The following PRLR variants were observed in gnomAD, a reference collection of about 807,000 sequenced individuals.
PRLR encodes hPRL receptor.
In PRLR, 13 loss-of-function variants were observed where a neutral mutation model predicts 40.2. The observed-to-expected ratio is 0.32, with a 90% CI of 0.21 to 0.51. PRLR has a LOEUF of 0.51. Among genes scored for constraint, PRLR ranks in the 20% least tolerant of loss-of-function variants. The probability of loss-of-function intolerance (pLI) is 0.97; values close to 1 mark genes in which losing one functional copy is unlikely to be tolerated. For synonymous variants in PRLR, 269 were observed against 278.7 expected, an observed-to-expected ratio of 0.97 and a Z score of 0.35; for missense variants, 656 against 747.3, an observed-to-expected ratio of 0.88 and a Z score of 1.42.
At chr5:35,088,507 T>C (rs967954103) in intron 3 of PRLR, among the ~76,000 whole-genome samples, 2 of 152,224 alleles carry the variant, frequency 1.3e-5, no homozygotes, top group African/African-American at 4.8e-5. Flanking sequence ...CATTCTGACC[T>C]CTGCTTTCCC....
intron 5 of PRLR, among the ~76,000 whole-genome samples, chr5:35,083,613 G>T (rs967005106): frequency 2.0e-5 from 3 of 151,052 alleles, no homozygotes; most frequent in Non-Finnish European, 1.5e-5. Context: ...TCCACCTCCT[G>T]GGTTCAAGCA....
At chr5:35,142,335 A>T (rs1015904355) in intron 1 of PRLR, among the ~76,000 whole-genome samples, 9 of 152,180 alleles carry the variant, frequency 5.9e-5, no homozygotes, top group Non-Finnish European at 1.0e-4. Context: ...TTTTTGTGGA[A>T]TCACCTGGCG....
chr5:35,077,399 CA>C (rs1167203086), intron 5 of PRLR, among the ~76,000 whole-genome samples: 2 of 152,106 alleles, frequency 1.3e-5, no homozygotes, highest in African/African-American at 4.8e-5. Context: ...GCAGGGGTTG[CA>C]ATCCTACTCT....
intron 1 of PRLR, among the ~76,000 whole-genome samples, chr5:35,203,847 T>TAAGGG (rs147466996): frequency 1.5e-5 from 1 of 65,586 alleles, no homozygotes; most frequent in South Asian, 6.7e-4. Context: ...TACTAAATAT[T>TAAGGG]TAGGTAGTTG....
intron 1 of PRLR, among the ~76,000 whole-genome samples, chr5:35,152,518 C>T (rs531073992): frequency 2.0e-5 from 3 of 152,212 alleles, no homozygotes; most frequent in Non-Finnish European, 4.4e-5. Flanking sequence ...ATACTGTACA[C>T]AACAGTAATA....
intron 2 of PRLR, among the ~76,000 whole-genome samples, chr5:35,096,179 G>A (rs1051281770): frequency 2.6e-5 from 4 of 152,202 alleles, no homozygotes; most frequent in Non-Finnish European, 4.4e-5. Flanking sequence ...ACTCCAATAC[G>A]ATATATGTGC....
chr5:35,184,801 A>G (rs987389866), intron 1 of PRLR, among the ~76,000 whole-genome samples: 1 of 152,234 alleles, frequency 6.6e-6, no homozygotes, highest in African/African-American at 2.4e-5. Context: ...CAATCTTTCA[A>G]ATAACACAAG....
At chr5:35,067,281 A>C (rs191896147) in intron 9 of PRLR, among the ~76,000 whole-genome samples, 1 of 152,226 alleles carries the variant, frequency 6.6e-6, no homozygotes, top group South Asian at 2.1e-4. Flanking sequence ...TTGAGACAAA[A>C]GTAGCTATTT....
At chr5:35,162,231 A>G (rs1042781072) in intron 1 of PRLR, among the ~76,000 whole-genome samples, 5 of 152,196 alleles carry the variant, frequency 3.3e-5, no homozygotes, top group African/African-American at 1.2e-4. Flanking sequence ...ACACAAGAAA[A>G]TCTATCTATC....
At chr5:35,073,419 A>G (rs1220563036) in intron 5 of PRLR, among the ~76,000 whole-genome samples, 2 of 152,212 alleles carry the variant, frequency 1.3e-5, no homozygotes, top group Non-Finnish European at 2.9e-5. Context: ...TAGCAAAATG[A>G]CAGCTAATGT....
chr5:35,129,412 G>C (rs932400536), intron 1 of PRLR, among the ~76,000 whole-genome samples: 2 of 152,114 alleles, frequency 1.3e-5, no homozygotes, highest in Admixed American at 6.5e-5. Context: ...CATCCTTAAG[G>C]TATTGGCCAG....
intron 5 of PRLR, among the ~76,000 whole-genome samples, chr5:35,083,945 A>G (rs1220067645): frequency 6.6e-6 from 1 of 151,438 alleles, no homozygotes; most frequent in African/African-American, 2.4e-5. Flanking sequence ...CCAATGATGT[A>G]TATATATATA....
Position 35,083,304 on chromosome 5 carries a change from C to G in PRLR, c.373+1166G>C, listed in dbSNP as rs955807030. ...AGTTTTTCTAAAAAGCAGGTCAGGT[C>G]CATGACCGACACATCTGTGGTGGGG... is the stretch of plus-strand genomic sequence containing the variant. On this transcript the variant is annotated intron_variant, in intron 5 of 9. Coordinates refer to ENST00000618457, the MANE Select transcript of PRLR (RefSeq NM_000949.7). 5.3e-5 allele frequency among the ~76,000 whole-genome samples: 8 copies of G among 152,056 alleles called. No individual in the cohort carries two copies. The South Asian group carries it at 1.7e-3, about 32-fold the overall frequency.
At position 35,070,159 on chromosome 5, in the gene PRLR, G is replaced by T. The variant is rs1769656908; in HGVS notation, c.650C>A (p.Ala217Glu). The T allele has an allele frequency of 6.2e-7, 1 of 1,613,998 alleles. No homozygotes were observed. ...CTGAATGAAGGTCGCTGGACTCCAT[G>T]CACTCCAGTATCCATGGTCTGGTTT... ...RCKPDHGYWS[A>E]WSPATFIQIP... The change falls in exon 7 of 10, where the codon GCA becomes GAA. Residue 217 changes from alanine to glutamate, a missense_variant. Around this residue, in one of 3 missense-constraint regions of PRLR, gnomAD observed 469 missense variants for 491.5 expected, o/e 0.95. Transcript: ENST00000618457.
intron 9 of PRLR, 141 bp from the exon 10 acceptor site, chr5:35,066,243 A>C: frequency 1.2e-6 from 1 of 839,220 alleles, no homozygotes; most frequent in East Asian, 2.7e-5. Flanking sequence ...CAGGCCATCT[A>C]GAATCACCTT....
chr5:35,225,573 A>T (rs1776526681), intron 1 of PRLR, among the ~76,000 whole-genome samples: 1 of 152,270 alleles, frequency 6.6e-6, no homozygotes, highest in South Asian at 2.1e-4. Context: ...ATTAAGCCAC[A>T]TTAAAGGAAA....
At chr5:35,143,451 C>T (rs910999651) in intron 1 of PRLR, among the ~76,000 whole-genome samples, 1 of 152,228 alleles carries the variant, frequency 6.6e-6, no homozygotes, top group African/African-American at 2.4e-5. Context: ...CATTCCTCCC[C>T]TATCATCATG....
intron 1 of PRLR, among the ~76,000 whole-genome samples, chr5:35,157,206 G>A (rs553270121): frequency 2.5e-4 from 38 of 152,172 alleles, no homozygotes; most frequent in African/African-American, 8.9e-4. Context: ...TTTCCTTTAT[G>A]GAAACTGTAT....
At chr5:35,129,242 G>A (rs542318229) in intron 1 of PRLR, among the ~76,000 whole-genome samples, 2 of 152,102 alleles carry the variant, frequency 1.3e-5, no homozygotes, top group Non-Finnish European at 2.9e-5. Flanking sequence ...AATTGTGATT[G>A]GCATTTAGGC....
Sources: gnomAD v4.1 joint callset for allele counts (sites outside exome capture counted in the v4.1 genomes callset) on GRCh38, gnomAD v4.1.1 for gene constraint, gnomAD v4.1.1 regional missense constraint, MANE v1.5 for transcripts, NCBI Gene and HGNC (gene_info 2026-07-23, HGNC 2026-07-21) for gene names.